The following NIN variants were observed in gnomAD, a reference collection of about 807,000 sequenced individuals.
The protein encoded by NIN is glycogen synthase kinase 3 beta-interacting protein.
A neutral mutation model predicts 257.6 loss-of-function variants in NIN; 137 were observed. The observed-to-expected ratio is 0.53, with a 90% CI of 0.46 to 0.61. NIN has a LOEUF of 0.61. Among genes scored for constraint, NIN ranks in the 20% least tolerant of loss-of-function variants. The pLI is 0.00. For missense variants in NIN, 2,439 were observed against 2,501.2 expected (o/e 0.98, Z 0.53); for synonymous variants, 918 against 919.8 (o/e 1.00, Z 0.04).
chr14:50,770,172 T>A (rs2042673535), intron 12 of NIN, among the ~76,000 whole-genome samples: 1 of 152,086 alleles, frequency 6.6e-6, no homozygotes, highest in Non-Finnish European at 1.5e-5. Context: ...GAACAAGAGA[T>A]GCTAATCAAT....
At chr14:50,783,802 C>T (rs1049203650) in intron 5 of NIN, among the ~76,000 whole-genome samples, 12 of 152,078 alleles carry the variant, frequency 7.9e-5, no homozygotes, top group East Asian at 7.7e-4. Context: ...GTTACTGGAA[C>T]GCCACCAGTA....
rs1228246034 is a variant in NIN at position 50,777,153 on chromosome 14, A to AT, written c.476-15dup. ...ACCTTAACTGGCCTGAGAGAGAAGC[A>AT]TATGTTGCACGGTTTCCAAAGGAAT... On this transcript the variant is annotated splice_polypyrimidine_tract_variant and intron_variant, in intron 6 of 30. Transcript: ENST00000530997. The AT allele has an allele frequency of 6.3e-7, 1 of 1,585,078 alleles. No homozygotes were observed. Among genetic ancestry groups the AT allele is most frequent in the East Asian group, 2.3e-5 (1 of 44,212 alleles).
At position 50,756,839 on chromosome 14, in the gene NIN, G is replaced by A; in HGVS notation, c.4191C>T (p.Asn1397=). 1 of 1,551,828 alleles carries A rather than the reference G, an allele frequency of 6.4e-7. No homozygotes were observed. Among genetic ancestry groups the A allele is most frequent in the African/African-American group, 1.4e-5 (1 of 73,148 alleles). ...CTTTTACTTTTTCCAAGAGCTGTGT[G>A]TTCCCCTCAAGGTACTGGTTTTCTT... ...CKQENQYLEG[N]TQLLEKVKAH... Residue 1397 remains asparagine, a synonymous_variant, in exon 18 of 31, where the codon AAC becomes AAT. Transcript: ENST00000530997.
Position 50,752,635 on chromosome 14 carries a change from A to C in NIN, c.4833T>G (p.Asn1611Lys). Residue 1611 changes from asparagine to lysine, a missense_variant, in exon 21 of 31, where the codon AAT becomes AAG. Physicochemically the swap from Asn to Lys is moderately conservative, Grantham distance 94. Coordinates refer to ENST00000530997, the MANE Select transcript of NIN (RefSeq NM_020921.4). The part of the protein sequence containing the change: ...SQNQEKLQEL[N>K]QRLTEMLCQK... Reference sequence around the variant, plus strand: ...GGCATAGCATTTCTGTTAGACGTTGATTAAGTTCTTGCAGTTTTTCCTGGT... The same window carrying C: ...GGCATAGCATTTCTGTTAGACGTTGCTTAAGTTCTTGCAGTTTTTCCTGGT... The C allele has an allele frequency of 6.2e-7, 1 of 1,613,828 alleles. No homozygotes were observed. Among genetic ancestry groups the C allele is most frequent in the Non-Finnish European group, 8.5e-7 (1 of 1,179,842 alleles).
chr14:50,803,374 C>A (rs1349301517), intron 4 of NIN, among the ~76,000 whole-genome samples: 1 of 152,032 alleles, frequency 6.6e-6, no homozygotes, highest in Non-Finnish European at 1.5e-5. Flanking sequence ...AACAAAAACA[C>A]AGACCTGGCC....
rs375540549 is a variant in NIN, at chr14:50,741,586, C to A, written c.5444G>T (p.Gly1815Val). Residue 1815 changes from glycine to valine, a missense_variant, in exon 25 of 31, where the codon GGC becomes GTC. Gly to Val is a moderately radical substitution (Grantham distance 109). This residue lies in a region of NIN where 2,043 missense variants were observed against 2,050.2 expected (regional missense o/e 1.00). Transcript: ENST00000530997. ...SLHKQLQNAG[G>V]KSWAPEIATH... The stretch of plus-strand genomic sequence containing the variant: ...AATAAAAAAAGAACAAATCACCTTG[C>A]CACCAGCATTCTGAAGTTGCTTATG... 7.4e-6 allele frequency: 12 copies of A among 1,612,968 alleles called. No individual in the cohort carries two copies. The highest frequency in any genetic ancestry group is 2.2e-5 in the East Asian group (1 of 44,860).
intron 22 of NIN, among the ~76,000 whole-genome samples, chr14:50,745,280 AC>A (rs577216621): frequency 3.3e-5 from 5 of 152,006 alleles, no homozygotes; most frequent in Non-Finnish European, 7.4e-5. Context: ...GATGGCAGTA[AC>A]CCCCCACCTT....
At chr14:50,727,373 C>T (rs1330303649) in intron 29 of NIN, 1 of 1,008,152 alleles carries the variant, frequency 9.9e-7, no homozygotes, top group Admixed American at 5.4e-5. Flanking sequence ...AAAATAGTTA[C>T]AACATATGGA....
intron 12 of NIN, among the ~76,000 whole-genome samples, chr14:50,769,852 A>G (rs1354635211): frequency 6.6e-6 from 1 of 151,660 alleles, no homozygotes; most frequent in Admixed American, 6.6e-5. Flanking sequence ...CCGAGGCTGG[A>G]GGATCACTTG....
At chr14:50,775,363 AC>A (rs2042883060) in intron 7 of NIN, among the ~76,000 whole-genome samples, 2 of 152,160 alleles carry the variant, frequency 1.3e-5, no homozygotes, top group African/African-American at 4.8e-5. Context: ...CAGGCATAAG[AC>A]AGTGACTCTA....
intron 2 of NIN, among the ~76,000 whole-genome samples, chr14:50,827,658 G>A (rs753106205): frequency 2.5e-4 from 38 of 150,654 alleles, no homozygotes; most frequent in Non-Finnish European, 5.0e-4. Flanking sequence ...TCGGGAGGCT[G>A]AGGCAGAAGT....
At chr14:50,808,734 G>A (rs528939876) in intron 3 of NIN, among the ~76,000 whole-genome samples, 1 of 152,304 alleles carries the variant, frequency 6.6e-6, no homozygotes, top group South Asian at 2.1e-4. Flanking sequence ...AGAGAGTCCA[G>A]GCAGCTGCTA....
chr14:50,807,298 A>T (rs904454542), intron 3 of NIN, among the ~76,000 whole-genome samples: 1 of 152,212 alleles, frequency 6.6e-6, no homozygotes, highest in African/African-American at 2.4e-5. Flanking sequence ...AAGGTATATA[A>T]TATTTATTTC....
At chr14:50,828,467 C>T (rs1235627648) in intron 2 of NIN, among the ~76,000 whole-genome samples, 1 of 152,178 alleles carries the variant, frequency 6.6e-6, no homozygotes, top group Admixed American at 6.5e-5. Context: ...GCAAGCTTCA[C>T]TAAGTCTCTC....
chr14:50,754,501 T>C, intron 20 of NIN, 62 bp downstream of exon 20: 2 of 1,361,902 alleles, frequency 1.5e-6, no homozygotes, highest in Non-Finnish European at 2.0e-6. Flanking sequence ...AATTTATAAA[T>C]TTCAAAAAAT....
rs1425289271 is a variant in NIN at position 50,829,482 on chromosome 14, C to T, written c.-22+982G>A. Among the ~76,000 whole-genome samples the T allele has an allele frequency of 3.3e-5, 5 of 152,206 alleles. No individual in the cohort carries two copies. In the South Asian group the frequency reaches 1.0e-3, roughly 31 times the overall value. Reference sequence around the variant, plus strand: ...AGAAACGTCGTGGTTCCAGGGGCTTCCCTCATGTGTCAGGATGGACTTTAT... The same window carrying T: ...AGAAACGTCGTGGTTCCAGGGGCTTTCCTCATGTGTCAGGATGGACTTTAT... On this transcript the variant is annotated intron_variant, in intron 2 of 30. Transcript: ENST00000530997.
intron 12 of NIN, 93 bp downstream of exon 12, chr14:50,770,295 A>G: frequency 7.8e-7 from 1 of 1,281,132 alleles, no homozygotes; most frequent in Non-Finnish European, 1.1e-6. Flanking sequence ...TTTTGGACTG[A>G]ACCCTGTGCA....
chr14:50,729,580 T>C lies in NIN; in HGVS notation c.6021A>G (p.Ile2007Met). ...CAAGTTCCTCCTGCAGGTGCTGGTTTATCCTTTCTGCCTGCAGCAGCTGGC... is the reference window on the plus strand; with the variant it reads ...CAAGTTCCTCCTGCAGGTGCTGGTTCATCCTTTCTGCCTGCAGCAGCTGGC... Reference protein sequence around the residue: ...LQRQLLQAERINQHLQEELEN... With the variant: ...LQRQLLQAERMNQHLQEELEN... The change falls in exon 29 of 31, where the codon ATA becomes ATG. Residue 2007 changes from isoleucine (I) to methionine (M), a missense_variant. Coordinates refer to ENST00000530997, the MANE Select transcript of NIN (RefSeq NM_020921.4). The C allele has an allele frequency of 6.2e-7, 1 of 1,614,158 alleles. No individual in the cohort carries two copies. The highest frequency in any genetic ancestry group is 8.5e-7 in the Non-Finnish European group (1 of 1,180,020).
At position 50,757,171 on chromosome 14, in the gene NIN, C is replaced by T. The variant is rs1177993578; in HGVS notation, c.3859G>A (p.Val1287Ile). The change falls in exon 18 of 31, where the codon GTT (valine) becomes ATT (isoleucine). Residue 1287 changes from valine to isoleucine, a missense_variant. Transcript: ENST00000530997. The stretch of plus-strand genomic sequence containing the variant: ...TTCAGCTCATCCTGCAACCTGAAAA[C>T]CTCTGCAGTGAGTTCTTTGTTATTT... ...LENNKELTAE[V>I]FRLQDELKKM... The T allele has an allele frequency of 6.2e-7, 1 of 1,613,212 alleles. No individual in the cohort carries two copies. Among genetic ancestry groups the T allele is most frequent in the Non-Finnish European group, 8.5e-7 (1 of 1,179,820 alleles).
Sources: allele counts gnomAD v4.1 joint callset (sites outside exome capture counted in the v4.1 genomes callset), GRCh38; gene constraint gnomAD v4.1.1; regional missense constraint gnomAD v4.1.1; transcripts MANE v1.5; gene names NCBI Gene and HGNC (gene_info 2026-07-23, HGNC 2026-07-21).